The following PRKN variants were observed in gnomAD, a reference collection of about 807,000 sequenced individuals.
PRKN encodes parkin RBR E3 ubiquitin protein ligase, also known as E3 ubiquitin-protein ligase parkin.
A neutral mutation model predicts 59.5 loss-of-function variants in PRKN; 56 were observed. That is an observed-to-expected ratio of 0.94 (90% CI 0.76 to 1.18). PRKN has a LOEUF of 1.18. Ranked by LOEUF, PRKN falls within the 50% of genes most tolerant of loss-of-function variation. PRKN has a pLI of 0.00. For missense variants in PRKN, 657 were observed against 596.4 expected (o/e 1.10, Z -1.06); for synonymous variants, 250 against 222.1 (o/e 1.13, Z -1.12).
At chr6:162,540,517 A>G (rs541001217) in intron 1 of PRKN, among the ~76,000 whole-genome samples, 1 of 152,256 alleles carries the variant, frequency 6.6e-6, no homozygotes, top group East Asian at 1.9e-4. Context: ...TTATAAGAGT[A>G]TATTAACTGG....
intron 1 of PRKN, among the ~76,000 whole-genome samples, chr6:162,711,414 G>A (rs1293723337): frequency 1.7e-5 from 1 of 57,552 alleles, no homozygotes; most frequent in African/African-American, 8.1e-5. Flanking sequence ...GGTCAAAACT[G>A]CTATTTAAAA....
intron 9 of PRKN, among the ~76,000 whole-genome samples, chr6:161,515,555 T>C (rs184873648): frequency 9.2e-5 from 14 of 152,320 alleles, no homozygotes; most frequent in African/African-American, 3.4e-4. Flanking sequence ...GAGTCAATTG[T>C]GTTACTTCAC....
chr6:161,580,962 G>C lies in PRKN; in HGVS notation c.872-11546C>G, dbSNP rs75034553. Among the ~76,000 whole-genome samples, 33 of 151,956 alleles carry C rather than the reference G, an allele frequency of 2.2e-4. No individual in the cohort carries two copies. The East Asian group carries it at 5.1e-3, about 23-fold the overall frequency. ...CACACCTGTAATCCCAGCACTTTGG[G>C]AGGCCAAGGCAGATGGATCACCTTA... On this transcript the variant is annotated intron_variant, in intron 7 of 11. Transcript: ENST00000366898.
chr6:161,755,081 C>T (rs546925105), intron 7 of PRKN, among the ~76,000 whole-genome samples: 1 of 152,308 alleles, frequency 6.6e-6, no homozygotes, highest in Non-Finnish European at 1.5e-5. Context: ...TCATTGATCA[C>T]TTGACCCAAC....
At chr6:162,603,079 T>C (rs1399807156) in intron 1 of PRKN, among the ~76,000 whole-genome samples, 1 of 152,140 alleles carries the variant, frequency 6.6e-6, no homozygotes, top group African/African-American at 2.4e-5. Context: ...AAAGGATTTT[T>C]TCTTTTGGTT....
intron 10 of PRKN, among the ~76,000 whole-genome samples, chr6:161,368,233 G>T (rs182966524): frequency 1.6e-4 from 21 of 132,222 alleles, no homozygotes; most frequent in Middle Eastern, 4.5e-3. Flanking sequence ...GCGAAACATG[G>T]TGAAACCCTG....
At chr6:161,888,021 A>T (rs750026568) in intron 6 of PRKN, among the ~76,000 whole-genome samples, 2 of 152,234 alleles carry the variant, frequency 1.3e-5, no homozygotes, top group African/African-American at 2.4e-5. Context: ...TCTGTTTAAA[A>T]ATCTTTCAAA....
intron 2 of PRKN, among the ~76,000 whole-genome samples, chr6:162,348,205 G>C (rs1370885744): frequency 6.6e-6 from 1 of 152,184 alleles, no homozygotes; most frequent in Non-Finnish European, 1.5e-5. Flanking sequence ...ACAGAGCATT[G>C]AGTAGAATAC....
chr6:161,406,800 T>C (rs1787298550), intron 9 of PRKN, among the ~76,000 whole-genome samples: 1 of 152,188 alleles, frequency 6.6e-6, no homozygotes, highest in African/African-American at 2.4e-5. Context: ...TGTTCAATCA[T>C]GTTACCACAA....
Position 161,466,062 on chromosome 6 carries a change from T to TTG in PRKN, c.1084-79187_1084-79186dup, listed in dbSNP as rs10546457. 2.4e-3 allele frequency among the ~76,000 whole-genome samples: 357 copies of TTG among 150,796 alleles called. 1 individual carries two copies. Among genetic ancestry groups the TTG allele is most frequent in the South Asian group, 0.013 (60 of 4,748 alleles). Reference sequence around the variant, plus strand: ...CTTCTATCACCACACATAGTTATCTTTGTGTGTGTGTGTGTGTGTGTCTGT... The same window carrying TTG: ...CTTCTATCACCACACATAGTTATCTTTGTGTGTGTGTGTGTGTGTGTGTCTGT... On this transcript the variant is annotated intron_variant, in intron 9 of 11. Transcript: ENST00000366898. This position sits in a 1 kb window ranked among gnomAD's most constrained non-coding sequence, Gnocchi z 5.0.
intron 10 of PRKN, among the ~76,000 whole-genome samples, chr6:161,380,487 A>G (rs915471504): frequency 6.0e-5 from 8 of 133,870 alleles, no homozygotes; most frequent in Non-Finnish European, 1.2e-4. Flanking sequence ...GCTGGAGTGC[A>G]GTGGCAACCT....
At chr6:162,442,180 A>G (rs1179315899) in intron 2 of PRKN, among the ~76,000 whole-genome samples, 1 of 152,214 alleles carries the variant, frequency 6.6e-6, no homozygotes, top group Non-Finnish European at 1.5e-5. Context: ...GCTTCTTTGT[A>G]TACCCAAATT....
chr6:161,803,264 A>G (rs916829033), intron 6 of PRKN, among the ~76,000 whole-genome samples: 23 of 152,172 alleles, frequency 1.5e-4, no homozygotes, highest in African/African-American at 5.6e-4. Context: ...CCTGTGTCAC[A>G]TAACGCTTTT....
intron 6 of PRKN, among the ~76,000 whole-genome samples, chr6:161,942,870 G>C (rs559905972): frequency 6.6e-6 from 1 of 152,294 alleles, no homozygotes; most frequent in African/African-American, 2.4e-5. Context: ...AAAATAGCTG[G>C]AGTATCCAAC....
intron 9 of PRKN, among the ~76,000 whole-genome samples, chr6:161,531,190 G>C (rs988486698): frequency 1.3e-5 from 2 of 151,762 alleles, no homozygotes; most frequent in East Asian, 4.0e-4. Context: ...GACCATCCTG[G>C]CTAACATGGT....
Position 162,251,760 on chromosome 6 carries a change from A to C in PRKN, c.412+10765T>G, listed in dbSNP as rs6937066. On this transcript the variant is annotated intron_variant, in intron 3 of 11. Transcript: ENST00000366898. ...GAGTAAGATCACAAACTACTCAGTA[A>C]TTTGGAATTGAATTTTGTCATGTGG... is the stretch of plus-strand genomic sequence containing the variant. Among the ~76,000 whole-genome samples, 274 of 152,314 alleles carry C rather than the reference A, an allele frequency of 1.8e-3. 1 individual carries two copies. The highest frequency in any genetic ancestry group is 6.2e-3 in the African/African-American group (257 of 41,568).
rs138442370 is a variant in PRKN at position 161,741,821 on chromosome 6, T to C, written c.871+43951A>G. On this transcript the variant is annotated intron_variant, in intron 7 of 11. Coordinates refer to ENST00000366898, the MANE Select transcript of PRKN (RefSeq NM_004562.3). ...TGGCTGTGTCCCCACCCAAATCTCA[T>C]TGTGAATTGTAATAATCCCCACATG... Among the ~76,000 whole-genome samples, 519 of 152,244 alleles carry C rather than the reference T, an allele frequency of 3.4e-3. 3 individuals are homozygous for C. Among genetic ancestry groups the C allele is most frequent in the African/African-American group, 0.011 (465 of 41,540 alleles).
intron 7 of PRKN, among the ~76,000 whole-genome samples, chr6:161,688,630 G>A (rs1283266075): frequency 2.0e-5 from 3 of 152,128 alleles, no homozygotes; most frequent in East Asian, 1.9e-4. Flanking sequence ...GTATAGCGGC[G>A]CAAATACAAC....
intron 7 of PRKN, among the ~76,000 whole-genome samples, chr6:161,784,296 C>T (rs1316514504): frequency 6.6e-6 from 1 of 152,106 alleles, no homozygotes; most frequent in East Asian, 1.9e-4. Context: ...AGATAAATTG[C>T]ATTTCATCAA....
Sources: allele counts gnomAD v4.1 joint callset (sites outside exome capture counted in the v4.1 genomes callset), GRCh38; gene constraint gnomAD v4.1.1; non-coding constraint Gnocchi (gnomAD v3.1); transcripts MANE v1.5; gene names NCBI Gene and HGNC (gene_info 2026-07-23, HGNC 2026-07-21).